STK3: variants seen among roughly 807,000 people sequenced by gnomAD.
STK3 encodes the protein serine/threonine kinase 3, also known as serine/threonine-protein kinase 3.
STK3 carries 41 observed loss-of-function variants against 58.0 expected under a neutral mutation model. That is an observed-to-expected ratio of 0.71 (90% CI 0.55 to 0.92). STK3 has a LOEUF of 0.92. Among genes scored for constraint, STK3 ranks in the 40% least tolerant of loss-of-function variants. The probability of loss-of-function intolerance (pLI) is 0.00; values close to 1 mark genes in which losing one functional copy is unlikely to be tolerated. For missense variants in STK3, 479 were observed against 602.7 expected, an observed-to-expected ratio of 0.79 and a Z score of 2.15; for synonymous variants, 170 against 191.0, an observed-to-expected ratio of 0.89 and a Z score of 0.91.
chr8:98,863,541 C>T (rs1837012010), intron 3 of STK3, among the ~76,000 whole-genome samples: 1 of 152,092 alleles, frequency 6.6e-6, no homozygotes, highest in Non-Finnish European at 1.5e-5. Flanking sequence ...TAGAGCACGC[C>T]TAGCATGTGG....
rs1486611693 is a variant in STK3 at position 98,854,369 on chromosome 8, C to T, written c.110+29278G>A. On this transcript the variant is annotated intron_variant, in intron 3 of 12. Transcript: ENST00000523601. ...GGCCAGGCTGATCTCGAACTCCTGA[C>T]CTCAAGTGATCTGCCCAACTCTGCC... Among the ~76,000 whole-genome samples, 7 of 152,020 alleles carry T rather than the reference C, an allele frequency of 4.6e-5. No individual in the cohort carries two copies. In the East Asian group the frequency reaches 1.3e-3, roughly 29 times the overall value.
intron 1 of STK3, among the ~76,000 whole-genome samples, chr8:98,815,606 T>G (rs1834494048): frequency 6.6e-6 from 1 of 152,156 alleles, no homozygotes; most frequent in Non-Finnish European, 1.5e-5. Context: ...TGCGCTTCAG[T>G]GAAAGTGATT....
rs186335885 is a variant in STK3 at position 98,482,868 on chromosome 8, C to G, written c.1318-26868G>C. Among the ~76,000 whole-genome samples the G allele has an allele frequency of 1.6e-3, 247 of 152,202 alleles. 1 individual carries two copies. Among genetic ancestry groups the G allele is most frequent in the Non-Finnish European group, 2.3e-3 (154 of 68,014 alleles). ...ATTTCTCGATTCCTCAAAGTGTTGA[C>G]ATTAAATCTTTCAGAATAATATACT... On this transcript the variant is annotated intron_variant, in intron 10 of 10. Coordinates refer to ENST00000419617, the MANE Select transcript of STK3 (RefSeq NM_006281.4).
At chr8:98,495,642 T>C (rs1310905088) in intron 10 of STK3, among the ~76,000 whole-genome samples, 1 of 152,200 alleles carries the variant, frequency 6.6e-6, no homozygotes, top group African/African-American at 2.4e-5. Context: ...ACTTAATCTA[T>C]CAAAACACCA....
chr8:98,822,677 A>G (rs1050617630), intron 1 of STK3, among the ~76,000 whole-genome samples: 4 of 152,204 alleles, frequency 2.6e-5, no homozygotes, highest in African/African-American at 9.7e-5. Context: ...AAACTTTTCT[A>G]AAGGAAAAAT....
intron 1 of STK3, among the ~76,000 whole-genome samples, chr8:98,893,486 G>GAGAAAGAAAGAAAGAAAGAA (rs570277403): frequency 4.4e-4 from 19 of 43,036 alleles, no homozygotes; most frequent in Admixed American, 7.9e-4. Context: ...AAGAAAGAAA[G>GAGAAAGAAAGAAAGAAAGAA]AGAAAGAAAG....
chr8:98,444,705 T>C (rs901758677), intron 1 of STK3, among the ~76,000 whole-genome samples: 1 of 152,192 alleles, frequency 6.6e-6, no homozygotes, highest in Non-Finnish European at 1.5e-5. Context: ...CGTTTGGTCA[T>C]GTTGAACTTG....
At chr8:98,613,458 C>A (rs1342403710) in intron 6 of STK3, among the ~76,000 whole-genome samples, 1 of 151,994 alleles carries the variant, frequency 6.6e-6, no homozygotes, top group East Asian at 1.9e-4. Context: ...AATGAACAAT[C>A]ATGAAAATAA....
intron 4 of STK3, among the ~76,000 whole-genome samples, chr8:98,743,496 A>G (rs1175828663): frequency 2.6e-5 from 4 of 152,324 alleles, no homozygotes; most frequent in Admixed American, 2.6e-4. Context: ...AGGATTCCCT[A>G]TTTAATAAAT....
downstream of STK3, among the ~76,000 whole-genome samples, chr8:98,453,838 C>G (rs1430988851): frequency 6.6e-6 from 1 of 152,076 alleles, no homozygotes; most frequent in Non-Finnish European, 1.5e-5. Flanking sequence ...TCCATCAAAT[C>G]AGGCAAGATA....
intron 1 of STK3, among the ~76,000 whole-genome samples, chr8:98,934,560 A>G (rs934022060): frequency 3.9e-5 from 6 of 152,258 alleles, no homozygotes; most frequent in African/African-American, 1.2e-4. Context: ...TAAAAGCAGC[A>G]AAGGTGTCAG....
chr8:98,676,415 C>T (rs557186299), intron 6 of STK3, among the ~76,000 whole-genome samples: 1 of 152,146 alleles, frequency 6.6e-6, no homozygotes, highest in Non-Finnish European at 1.5e-5. Flanking sequence ...TAGAGACCAT[C>T]CAGCCCAATC....
rs553479152 is a variant in STK3, at chr8:98,530,015, T to C, written c.1142-3098A>G. 2.6e-5 allele frequency among the ~76,000 whole-genome samples: 4 copies of C among 152,328 alleles called. No homozygotes were observed. In the South Asian group the frequency reaches 8.3e-4, roughly 32 times the overall value. On this transcript the variant is annotated intron_variant, in intron 9 of 10. Coordinates refer to ENST00000419617, the MANE Select transcript of STK3 (RefSeq NM_006281.4). ...AATACTATTGAACTAGATACAGGCA[T>C]ATTTCGCAGTTATTGCAGGTTTGGT...
At chr8:98,513,036 C>A (rs1397180622) in intron 10 of STK3, among the ~76,000 whole-genome samples, 1 of 152,110 alleles carries the variant, frequency 6.6e-6, no homozygotes, top group Non-Finnish European at 1.5e-5. Context: ...TAAAATATTT[C>A]TGTAGAGAAA....
chr8:98,825,222 T>C (rs1835170067), intron 1 of STK3, among the ~76,000 whole-genome samples: 1 of 152,170 alleles, frequency 6.6e-6, no homozygotes, highest in Non-Finnish European at 1.5e-5. Flanking sequence ...GCTATTAATA[T>C]TTAATTCCTC....
At chr8:98,718,543 G>A (rs1827186794) in intron 4 of STK3, among the ~76,000 whole-genome samples, 1 of 152,082 alleles carries the variant, frequency 6.6e-6, no homozygotes, top group Non-Finnish European at 1.5e-5. Context: ...AACCACACAT[G>A]GCTCCTAAAC....
chr8:98,677,908 C>A (rs780453234), intron 6 of STK3, among the ~76,000 whole-genome samples: 1 of 152,054 alleles, frequency 6.6e-6, no homozygotes, highest in Non-Finnish European at 1.5e-5. Context: ...TTCTGCCTAC[C>A]CCAGTAACTA....
At chr8:98,435,277 C>A (rs1818446238) in intron 2 of STK3, among the ~76,000 whole-genome samples, 1 of 152,206 alleles carries the variant, frequency 6.6e-6, no homozygotes, top group Admixed American at 6.5e-5. Flanking sequence ...AGGAAAAAAC[C>A]TTTTCCTCCA....
At chr8:98,638,382 T>C (rs1339750799) in intron 6 of STK3, 1 of 152,198 alleles carries the variant, frequency 6.6e-6, no homozygotes, top group African/African-American at 2.4e-5. Flanking sequence ...CAAGTGTTCA[T>C]GAATACAAAG....
Sources: allele counts gnomAD v4.1 joint callset (sites outside exome capture counted in the v4.1 genomes callset), GRCh38; gene constraint gnomAD v4.1.1; transcripts MANE v1.5; gene names NCBI Gene and HGNC (gene_info 2026-07-23, HGNC 2026-07-21).